LPIN2: variants seen among roughly 807,000 people sequenced by gnomAD.
The protein encoded by LPIN2 is phosphatidate phosphatase LPIN2.
In LPIN2, 55 loss-of-function variants were observed where a neutral mutation model predicts 111.4. The observed-to-expected ratio is 0.49, with a 90% CI of 0.40 to 0.62. The LOEUF is 0.62. Among genes scored for constraint, LPIN2 ranks in the 20% least tolerant of loss-of-function variants. The pLI is 0.00. For synonymous variants in LPIN2, 425 were observed against 414.0 expected, an observed-to-expected ratio of 1.03 and a Z score of -0.32; for missense variants, 992 against 1,112.1, an observed-to-expected ratio of 0.89 and a Z score of 1.54.
chr18:2,925,162 C>A lies in LPIN2; in HGVS notation c.1938+62G>T, dbSNP rs2077111614. 5 of 1,591,564 alleles carry A rather than the reference C, an allele frequency of 3.1e-6. No individual in the cohort carries two copies. The highest frequency in any genetic ancestry group is 1.7e-4 in the Middle Eastern group (1 of 5,904). The stretch of plus-strand genomic sequence containing the variant: ...GGACGTGTGGACAGAAGAGGATGTG[C>A]ATCAAATTAAACCATTACTAAAATA... On this transcript the variant is annotated intron_variant, in intron 14 of 19. Coordinates refer to ENST00000677752, the MANE Select transcript of LPIN2 (RefSeq NM_001375808.2). This position sits in a 1 kb window ranked among gnomAD's most constrained non-coding sequence, Gnocchi z 4.1.
intron 1 of LPIN2, among the ~76,000 whole-genome samples, chr18:2,964,948 C>A (rs1568582560): frequency 6.6e-6 from 1 of 152,110 alleles, no homozygotes; most frequent in Non-Finnish European, 1.5e-5. Flanking sequence ...ACTCTTATGA[C>A]AATTATTTAT....
At position 2,918,163 on chromosome 18, in the gene LPIN2, C is replaced by G. The variant is rs1459137231; in HGVS notation, c.*2130G>C. On this transcript the variant is annotated 3_prime_UTR_variant, in exon 20 of 20. Transcript: ENST00000677752. ...CTGCAGCAACAAAGTCTAGTGCTAG[C>G]AGACACAGGGACAGAGGGACCAGCT... 2 of 152,204 alleles carry G rather than the reference C, an allele frequency of 1.3e-5. No individual in the cohort carries two copies. Among genetic ancestry groups the G allele is most frequent in the African/African-American group, 4.8e-5 (2 of 41,438 alleles). The allele number at this position is 152,204 out of a possible 1,614,324, so 9.4% of individuals were successfully genotyped here. A position where few individuals can be genotyped will look rare whatever the true frequency, so the allele number is the denominator to read the frequency against.
At chr18:3,012,778 G>C (rs2143528119) in intron 1 of LPIN2, among the ~76,000 whole-genome samples, 1 of 152,052 alleles carries the variant, frequency 6.6e-6, no homozygotes, top group African/African-American at 2.4e-5. Flanking sequence ...CGGGTTCAGA[G>C]TCCTCAGCAG....
intron 4 of LPIN2, chr18:2,946,868 T>C: frequency 3.0e-6 from 1 of 330,806 alleles, no homozygotes; most frequent in Non-Finnish European, 5.8e-6. Context: ...TGATCTCAGC[T>C]GGCATTTGGA....
At chr18:3,001,171 C>G (rs769307114) in intron 1 of LPIN2, among the ~76,000 whole-genome samples, 1 of 152,158 alleles carries the variant, frequency 6.6e-6, no homozygotes, top group South Asian at 2.1e-4. Flanking sequence ...TCCCTGTAAA[C>G]CCTTTCTCAA....
At chr18:2,992,639 C>T (rs769519481) in intron 1 of LPIN2, among the ~76,000 whole-genome samples, 4 of 152,078 alleles carry the variant, frequency 2.6e-5, no homozygotes, top group Non-Finnish European at 5.9e-5. Context: ...TCTTGAGTTC[C>T]AGGAGTTCAA....
At position 2,958,143 on chromosome 18, in the gene LPIN2, AAAAAAAAAAAAAAACAAC is replaced by A. The variant is rs1189056005; in HGVS notation, c.192+2488_192+2505del. Among the ~76,000 whole-genome samples, 35 of 90,876 alleles carry A rather than the reference AAAAAAAAAAAAAAACAAC, an allele frequency of 3.9e-4. 5 individuals are homozygous for A. The highest frequency in any genetic ancestry group is 1.0e-3 in the East Asian group (4 of 3,934). 59.6% of individuals were successfully genotyped at this position (90,876 alleles called of 152,430 possible). ...GGCGACAAAGCGAGACTCCATCTCA[AAAAAAAAAAAAAAACAAC>A]AAAAAAAAAAAACAGAAAAAAGAAA... On this transcript the variant is annotated intron_variant, in intron 2 of 19. Coordinates refer to ENST00000677752, the MANE Select transcript of LPIN2 (RefSeq NM_001375808.2).
Position 2,920,886 on chromosome 18 carries a change from A to G in LPIN2, c.2443-5T>C. On this transcript the variant is annotated splice_polypyrimidine_tract_variant and splice_region_variant and intron_variant, in intron 18 of 19. Transcript: ENST00000677752. The stretch of plus-strand genomic sequence containing the variant: ...TTGTGTGTAGGCATAGACATCCTGC[A>G]GAAGAAAATAGCAAGCGGGTGATTC... 6.3e-7 allele frequency: 1 copy of G among 1,591,734 alleles called. No homozygotes were observed. The highest frequency in any genetic ancestry group is 8.6e-7 in the Non-Finnish European group (1 of 1,159,586).
At chr18:2,960,174 A>ATG (rs59457524) in intron 2 of LPIN2, among the ~76,000 whole-genome samples, 10,716 of 136,456 alleles carry the variant, frequency 0.079, 431 homozygotes, top group African/African-American at 0.11. Flanking sequence ...CGACTCAAAA[A>ATG]TGTGTGTGTG....
intron 1 of LPIN2, among the ~76,000 whole-genome samples, chr18:2,987,576 C>A (rs1033721674): frequency 2.6e-5 from 4 of 152,110 alleles, no homozygotes; most frequent in African/African-American, 9.7e-5. Flanking sequence ...GCTGGTTCCT[C>A]ACAACAGTTC....
At chr18:2,969,713 A>G (rs1567843728) in intron 1 of LPIN2, among the ~76,000 whole-genome samples, 1 of 152,148 alleles carries the variant, frequency 6.6e-6, no homozygotes, top group Non-Finnish European at 1.5e-5. Flanking sequence ...AAACAAATAC[A>G]CGCTCATGAA....
intron 16 of LPIN2, 101 bp downstream of exon 16, chr18:2,923,662 GCTTCAGCATAAA>G (rs1180320311): frequency 1.1e-6 from 1 of 917,250 alleles, no homozygotes; most frequent in Admixed American, 1.7e-5. Context: ...GAGCGGGAAT[GCTTCAGCATAAA>G]CACATGACTC....
At chr18:3,010,510 G>A (rs2078585326) in intron 1 of LPIN2, among the ~76,000 whole-genome samples, 1 of 152,138 alleles carries the variant, frequency 6.6e-6, no homozygotes, top group South Asian at 2.1e-4. Flanking sequence ...GGGTATTGGA[G>A]AGAGAAAAAC....
intron 1 of LPIN2, among the ~76,000 whole-genome samples, chr18:2,985,977 C>A (rs2078180557): frequency 6.6e-6 from 1 of 152,098 alleles, no homozygotes; most frequent in South Asian, 2.1e-4. Flanking sequence ...TAGTGAAGAA[C>A]CTAAGTGCAT....
At chr18:3,009,945 GATT>G (rs1467188346) in intron 1 of LPIN2, among the ~76,000 whole-genome samples, 1 of 151,984 alleles carries the variant, frequency 6.6e-6, no homozygotes, top group Admixed American at 6.6e-5. Flanking sequence ...CCTCCCAACA[GATT>G]TTTTTTTCTT....
intron 1 of LPIN2, among the ~76,000 whole-genome samples, chr18:2,962,721 C>T (rs1332741665): frequency 6.6e-5 from 10 of 152,170 alleles, no homozygotes; most frequent in South Asian, 4.2e-4. Context: ...ATGCTTTTTA[C>T]CTACATGGCA....
chr18:2,939,553 T>G lies in LPIN2; in HGVS notation c.749A>C (p.Lys250Thr). The change falls in exon 6 of 20, where the codon AAA becomes ACA. Residue 250 changes from lysine to threonine, a missense_variant. By Grantham distance (78) the Lys-to-Thr change is moderately conservative (BLOSUM62 -1). This residue lies in a region of LPIN2 where 709 missense variants were observed against 753.2 expected (regional missense o/e 0.94). Transcript: ENST00000677752. ...CPKSDSELEV[K>T]PAESLLRSES... ...TGATCTGAGCAGGCTCTCCGCAGGT[T>G]TCACCTCCAGCTCTGAATCACTCTT... 6.2e-7 allele frequency: 1 copy of G among 1,614,070 alleles called. No homozygotes were observed. Among genetic ancestry groups the G allele is most frequent in the Non-Finnish European group, 8.5e-7 (1 of 1,179,964 alleles).
intron 1 of LPIN2, among the ~76,000 whole-genome samples, chr18:3,007,211 C>T (rs2078529589): frequency 6.6e-6 from 1 of 151,962 alleles, no homozygotes; most frequent in Admixed American, 6.6e-5. Context: ...TGCTCTGTCG[C>T]CCAGGGCTGT....
chr18:2,937,573 T>C (rs879013360), intron 7 of LPIN2, 119 bp downstream of exon 7: 2 of 520,160 alleles, frequency 3.8e-6, no homozygotes, highest in African/African-American at 2.6e-5. Flanking sequence ...AAAAAAAAAG[T>C]GCGACGGGTT....
Sources: gnomAD v4.1 joint callset for allele counts (sites outside exome capture counted in the v4.1 genomes callset) on GRCh38, gnomAD v4.1.1 for gene constraint, gnomAD v4.1.1 regional missense constraint, Gnocchi (gnomAD v3.1) non-coding constraint, MANE v1.5 for transcripts, NCBI Gene and HGNC (gene_info 2026-07-23, HGNC 2026-07-21) for gene names.